JKAMP: variants seen among roughly 807,000 people sequenced by gnomAD.
JKAMP encodes the protein JNK1/MAPK8 associated membrane protein, also known as JNK1/MAPK8-associated membrane protein.
A neutral mutation model predicts 40.2 loss-of-function variants in JKAMP; 20 were observed. The ratio of observed to expected loss-of-function variants is 0.50; its 90% CI spans 0.35 to 0.72. JKAMP has a LOEUF of 0.72. Ranked by LOEUF, JKAMP falls within the 30% of genes least tolerant of loss-of-function variation. JKAMP has a pLI of 0.01. For synonymous variants in JKAMP, 138 were observed against 131.6 expected (o/e 1.05, Z -0.33); for missense variants, 276 against 373.0 (o/e 0.74, Z 2.14).
intron 6 of JKAMP, among the ~76,000 whole-genome samples, chr14:59,503,631 G>A (rs1273606482): frequency 2.0e-5 from 3 of 152,146 alleles, no homozygotes; most frequent in African/African-American, 7.2e-5. Flanking sequence ...GCTTTCGTCT[G>A]GGTGCCTCTA....
chr14:59,504,080 C>T lies in JKAMP; in HGVS notation c.*8C>T, dbSNP rs1566585239. 6.3e-7 allele frequency: 1 copy of T among 1,579,824 alleles called. No homozygotes were observed. Among genetic ancestry groups the T allele is most frequent in the South Asian group, 1.1e-5 (1 of 90,130 alleles). On this transcript the variant is annotated 3_prime_UTR_variant, in exon 7 of 7. Coordinates refer to ENST00000616435, the MANE Select transcript of JKAMP (RefSeq NM_016475.5). ...GGAGCCAATGGACACTGAGTGTAGACATGTGAAATGCCAAAAACCTGAGAA... is the reference window on the plus strand; with the variant it reads ...GGAGCCAATGGACACTGAGTGTAGATATGTGAAATGCCAAAAACCTGAGAA...
intron 4 of JKAMP, among the ~76,000 whole-genome samples, chr14:59,497,557 T>A (rs1891542728): frequency 6.6e-6 from 1 of 152,172 alleles, no homozygotes; most frequent in Non-Finnish European, 1.5e-5. Flanking sequence ...TTGCTGTTGA[T>A]AAGAGGTAGC....
intron 3 of JKAMP, 109 bp from the exon 4 acceptor site, chr14:59,494,909 A>T: frequency 5.4e-6 from 4 of 746,412 alleles, no homozygotes; most frequent in East Asian, 2.7e-5. Flanking sequence ...GTAGTTTTTG[A>T]CTTTTCTTAT....
At chr14:59,499,198 AT>A (rs1176311287) in intron 5 of JKAMP, among the ~76,000 whole-genome samples, 4 of 147,940 alleles carry the variant, frequency 2.7e-5, no homozygotes, top group Non-Finnish European at 3.0e-5. Flanking sequence ...TAATTTTTGT[AT>A]TTTTTTTTAG....
intron 5 of JKAMP, among the ~76,000 whole-genome samples, chr14:59,500,236 T>C (rs1891770459): frequency 6.6e-6 from 1 of 152,200 alleles, no homozygotes; most frequent in South Asian, 2.1e-4. Flanking sequence ...TTCAGTTCTT[T>C]AGTAAGTTGG....
intron 3 of JKAMP, among the ~76,000 whole-genome samples, chr14:59,494,696 C>G (rs2139887199): frequency 6.6e-6 from 1 of 152,236 alleles, no homozygotes; most frequent in African/African-American, 2.4e-5. Flanking sequence ...AATTACTATA[C>G]TTTCTAACAA....
At chr14:59,503,152 T>C (rs1157739618) in intron 6 of JKAMP, among the ~76,000 whole-genome samples, 1 of 152,140 alleles carries the variant, frequency 6.6e-6, no homozygotes, top group East Asian at 1.9e-4. Flanking sequence ...TATAAAATGT[T>C]CACATACTTC....
rs929986854 is a variant in JKAMP, at chr14:59,501,392, C to T, written c.717+125C>T. The T allele has an allele frequency of 1.5e-5, 9 of 604,548 alleles. No individual in the cohort carries two copies. The African/African-American group carries it at 1.5e-4, about 10-fold the overall frequency. The allele number at this position is 604,548 out of a possible 1,614,324, so 37.4% of individuals were successfully genotyped here. A position where few individuals can be genotyped will look rare whatever the true frequency, so the allele number is the denominator to read the frequency against. On this transcript the variant is annotated intron_variant, in intron 6 of 6. Coordinates refer to ENST00000616435, the MANE Select transcript of JKAMP (RefSeq NM_016475.5). ...TTAGTAATCTTTGGCTGATTGATGC[C>T]ACTTGGTAGCTTTTGGCTTGTTAAC...
rs1003692572 is a variant in JKAMP, at chr14:59,501,088, A to G, written c.641-103A>G. On this transcript the variant is annotated intron_variant, in intron 5 of 6. Transcript: ENST00000616435. ...GTTGTAAGTCTCACAGAACTGGTTG[A>G]GAAAGGATTTGACTCTAAGGAAAAT... 16 of 724,978 alleles carry G rather than the reference A, an allele frequency of 2.2e-5. No homozygotes were observed. In the African/African-American group the frequency reaches 2.5e-4, roughly 12 times the overall value. 44.9% of individuals were successfully genotyped at this position (724,978 alleles called of 1,614,324 possible).
intron 6 of JKAMP, 82 bp downstream of exon 6, chr14:59,501,349 A>G: frequency 3.6e-6 from 3 of 825,208 alleles, no homozygotes; most frequent in Non-Finnish European, 5.8e-6. Flanking sequence ...ATGATATGAT[A>G]TAGTACAACT....
intron 3 of JKAMP, among the ~76,000 whole-genome samples, chr14:59,490,105 A>G (rs1295008196): frequency 1.3e-5 from 2 of 151,882 alleles, no homozygotes; most frequent in Non-Finnish European, 2.9e-5. Flanking sequence ...TATATTTTGT[A>G]GAGACAGGGT....
chr14:59,503,712 T>A, intron 6 of JKAMP, 142 bp from the exon 7 acceptor site: 1 of 614,284 alleles, frequency 1.6e-6, no homozygotes. Flanking sequence ...ACTGAGTGAT[T>A]TCTTAAGTCT....
chr14:59,486,872 C>A, intron 2 of JKAMP, 68 bp downstream of exon 2: 1 of 1,110,856 alleles, frequency 9.0e-7, no homozygotes, highest in Non-Finnish European at 1.3e-6. Context: ...TTTTCACATA[C>A]AACATTTTTT....
intron 3 of JKAMP, among the ~76,000 whole-genome samples, chr14:59,493,363 A>G (rs1232842570): frequency 6.6e-6 from 1 of 152,204 alleles, no homozygotes; most frequent in African/African-American, 2.4e-5. Flanking sequence ...GTCCTTTTAA[A>G]TGCTGCAGCA....
At chr14:59,497,018 A>T (rs1278434052) in intron 4 of JKAMP, among the ~76,000 whole-genome samples, 2 of 149,136 alleles carry the variant, frequency 1.3e-5, no homozygotes, top group Admixed American at 6.6e-5. Flanking sequence ...TTTTTTTGCA[A>T]GTCAACAAAA....
chr14:59,499,756 T>TAC (rs1213413982), intron 5 of JKAMP, among the ~76,000 whole-genome samples: 5 of 152,300 alleles, frequency 3.3e-5, no homozygotes, highest in Admixed American at 2.0e-4. Flanking sequence ...GGCTTGAGGG[T>TAC]AAGACCAAGG....
chr14:59,485,265 CT>C, intron 1 of JKAMP: 1 of 674,830 alleles, frequency 1.5e-6, no homozygotes, highest in Non-Finnish European at 2.3e-6. Context: ...AATTCCTTAC[CT>C]TCTGCATTCT....
At chr14:59,496,812 G>C (rs1891485867) in intron 4 of JKAMP, among the ~76,000 whole-genome samples, 1 of 152,088 alleles carries the variant, frequency 6.6e-6, no homozygotes, top group Non-Finnish European at 1.5e-5. Context: ...TTGTAGAACA[G>C]CTTGCCTGCC....
At chr14:59,490,369 C>T (rs767865442) in intron 3 of JKAMP, among the ~76,000 whole-genome samples, 14 of 152,186 alleles carry the variant, frequency 9.2e-5, no homozygotes, top group Non-Finnish European at 1.8e-4. Flanking sequence ...CTGAGGATTA[C>T]ATTTCAACAT....
Sources: allele counts gnomAD v4.1 joint callset (sites outside exome capture counted in the v4.1 genomes callset), GRCh38; gene constraint gnomAD v4.1.1; transcripts MANE v1.5; gene names NCBI Gene and HGNC (gene_info 2026-07-23, HGNC 2026-07-21).